The following PHF14 variants were observed in gnomAD, a reference collection of about 807,000 sequenced individuals.
PHF14 encodes the protein PHD finger protein 14.
In PHF14, 55 loss-of-function variants were observed where a neutral mutation model predicts 117.9. The observed-to-expected ratio is 0.47, with a 90% confidence interval of 0.38 to 0.58. PHF14 has a LOEUF of 0.58. PHF14 is among the 20% of genes least tolerant of loss of function. The probability of loss-of-function intolerance (pLI) is 0.00; values close to 1 mark genes in which losing one functional copy is unlikely to be tolerated. For synonymous variants in PHF14, 409 were observed against 368.6 expected (o/e 1.11, Z -1.26); for missense variants, 978 against 1,122.2 (o/e 0.87, Z 1.84).
In PHF14 at chr7:11,013,944, T is replaced by C. The variant is rs765195523; in HGVS notation, c.1205+38T>C. 7.6e-6 allele frequency: 11 copies of C among 1,450,204 alleles called. No homozygotes were observed. The South Asian group carries it at 1.2e-4, about 16-fold the overall frequency. The allele number at this position is 1,450,204 out of a possible 1,614,324, so 89.8% of individuals were successfully genotyped here. On this transcript the variant is annotated intron_variant, in intron 5 of 17. Transcript: ENST00000634607. ...ATTATGTTGGTTCATATGTTTGCTTTATAATGTGTCTGCCTTTGACTTCCC... is the reference window on the plus strand; with the variant it reads ...ATTATGTTGGTTCATATGTTTGCTTCATAATGTGTCTGCCTTTGACTTCCC...
At chr7:11,088,204 C>A (rs1451430080) in intron 16 of PHF14, among the ~76,000 whole-genome samples, 1 of 152,068 alleles carries the variant, frequency 6.6e-6, no homozygotes, top group Admixed American at 6.5e-5. Flanking sequence ...TATTATAATA[C>A]CTAATACAAT....
chr7:10,992,098 G>C (rs1296811157), intron 4 of PHF14, among the ~76,000 whole-genome samples: 1 of 151,656 alleles, frequency 6.6e-6, no homozygotes, highest in East Asian at 2.0e-4. Context: ...CTCTTGTCCA[G>C]GCTGGAGTGC....
chr7:11,038,323 C>T (rs1018362839), intron 10 of PHF14, among the ~76,000 whole-genome samples: 4 of 150,966 alleles, frequency 2.6e-5, no homozygotes, highest in African/African-American at 7.3e-5. Context: ...CCCAGCTACT[C>T]GAGAGGCTGA....
At chr7:11,125,754 A>T (rs909794091) in intron 17 of PHF14, among the ~76,000 whole-genome samples, 1 of 152,076 alleles carries the variant, frequency 6.6e-6, no homozygotes, top group Non-Finnish European at 1.5e-5. Flanking sequence ...CTATATTCAT[A>T]TGATAAATCT....
intron 7 of PHF14, among the ~76,000 whole-genome samples, chr7:11,034,423 A>T (rs1784237633): frequency 6.6e-6 from 1 of 151,764 alleles, no homozygotes; most frequent in South Asian, 2.1e-4. Context: ...CTTTTTATGA[A>T]TGAAAATGTA....
At chr7:11,035,995 A>G (rs1455160676) in intron 8 of PHF14, among the ~76,000 whole-genome samples, 1 of 152,190 alleles carries the variant, frequency 6.6e-6, no homozygotes, top group African/African-American at 2.4e-5. Context: ...TCCTTTATAA[A>G]GTAAATTTTC....
At chr7:11,116,448 C>T (rs1356301628) in intron 17 of PHF14, among the ~76,000 whole-genome samples, 1 of 152,008 alleles carries the variant, frequency 6.6e-6, no homozygotes, top group African/African-American at 2.4e-5. Flanking sequence ...ACACTTACAT[C>T]TATATTTTTG....
At position 11,127,694 on chromosome 7, in the gene PHF14, C is replaced by G. The variant is rs1787966378; in HGVS notation, c.2772+16227C>G. 2.6e-5 allele frequency among the ~76,000 whole-genome samples: 4 copies of G among 152,200 alleles called. No homozygotes were observed. The South Asian group carries it at 8.3e-4, about 32-fold the overall frequency. On this transcript the variant is annotated intron_variant, in intron 17 of 17. Transcript: ENST00000634607. ...TCCTTACTCTCCAGTTTCACCTTTCCTCATTCTTCAGACTTCTCCTTTAAT... is the reference window on the plus strand; with the variant it reads ...TCCTTACTCTCCAGTTTCACCTTTCGTCATTCTTCAGACTTCTCCTTTAAT...
intron 5 of PHF14, among the ~76,000 whole-genome samples, chr7:11,020,604 C>A (rs1316685864): frequency 1.3e-5 from 2 of 152,124 alleles, no homozygotes; most frequent in Non-Finnish European, 2.9e-5. Context: ...GTCTCAAACT[C>A]CTGAGCTTAA....
At chr7:11,008,030 G>A (rs1783187636) in intron 4 of PHF14, among the ~76,000 whole-genome samples, 1 of 152,130 alleles carries the variant, frequency 6.6e-6, no homozygotes, top group Admixed American at 6.5e-5. Flanking sequence ...TGACCGTGAT[G>A]TCACTTATCC....
chr7:11,085,793 A>G (rs550871240), intron 16 of PHF14, among the ~76,000 whole-genome samples: 1 of 152,180 alleles, frequency 6.6e-6, no homozygotes, highest in African/African-American at 2.4e-5. Flanking sequence ...TCCTAGGTTC[A>G]GTCCTTCCAC....
intron 17 of PHF14, among the ~76,000 whole-genome samples, chr7:11,145,166 GGC>G: frequency 6.6e-6 from 1 of 151,868 alleles, no homozygotes; most frequent in East Asian, 1.9e-4. Flanking sequence ...GGGTTCAGGT[GGC>G]AGAGGAACTC....
At chr7:11,148,375 A>T (rs929032429) in intron 17 of PHF14, among the ~76,000 whole-genome samples, 1 of 152,040 alleles carries the variant, frequency 6.6e-6, no homozygotes, top group African/African-American at 2.4e-5. Flanking sequence ...GCTCTTTTCT[A>T]CTTTAGGACC....
At chr7:11,029,871 G>A (rs1048088165) in intron 7 of PHF14, among the ~76,000 whole-genome samples, 4 of 151,502 alleles carry the variant, frequency 2.6e-5, no homozygotes. Context: ...TTCTTTTATT[G>A]GGTAAATTTT....
chr7:11,094,526 T>G (rs1341510925), intron 16 of PHF14, among the ~76,000 whole-genome samples: 1 of 152,128 alleles, frequency 6.6e-6, no homozygotes, highest in Non-Finnish European at 1.5e-5. Flanking sequence ...AAATTCTTAA[T>G]CATATTTGCA....
chr7:11,121,358 A>G (rs74330943), intron 17 of PHF14, among the ~76,000 whole-genome samples: 2,673 of 152,288 alleles, frequency 0.018, 78 homozygotes, highest in East Asian at 0.12. Context: ...ATTTATGCAA[A>G]AGAAAACCTT....
intron 4 of PHF14, among the ~76,000 whole-genome samples, chr7:11,006,031 A>G (rs1783076048): frequency 6.6e-6 from 1 of 151,998 alleles, no homozygotes; most frequent in African/African-American, 2.4e-5. Context: ...AGACCTCATG[A>G]TCTGCCCACC....
chr7:11,090,204 T>C (rs1480515802), intron 16 of PHF14, among the ~76,000 whole-genome samples: 1 of 152,242 alleles, frequency 6.6e-6, no homozygotes, highest in Non-Finnish European at 1.5e-5. Context: ...TCAAAGTACA[T>C]GAAAGTAATT....
At chr7:11,035,864 T>C in intron 8 of PHF14, 78 bp downstream of exon 8, 1 of 1,085,592 alleles carries the variant, frequency 9.2e-7, no homozygotes, top group East Asian at 2.4e-5. Flanking sequence ...TGGCTTCCAG[T>C]GACATGTGAC....
Sources: gnomAD v4.1 joint callset for allele counts (sites outside exome capture counted in the v4.1 genomes callset) on GRCh38, gnomAD v4.1.1 for gene constraint, MANE v1.5 for transcripts, NCBI Gene and HGNC (gene_info 2026-07-23, HGNC 2026-07-21) for gene names.